The following DGKI variants were observed in gnomAD, a reference collection of about 807,000 sequenced individuals.
DGKI encodes diacylglycerol kinase iota.
A neutral mutation model predicts 147.5 loss-of-function variants in DGKI; 55 were observed. That is an observed-to-expected ratio of 0.37 (90% CI 0.30 to 0.47). The LOEUF is 0.47. Ranked by LOEUF, DGKI falls within the 20% of genes least tolerant of loss-of-function variation. The pLI is 1.00. For missense variants in DGKI, 1,007 were observed against 1,323.8 expected (o/e 0.76, Z 3.71); for synonymous variants, 469 against 477.1 (o/e 0.98, Z 0.22).
chr7:137,463,445 A>C (rs1563033644), intron 27 of DGKI, 44 bp downstream of exon 27: 1 of 1,606,604 alleles, frequency 6.2e-7, no homozygotes, highest in Non-Finnish European at 8.5e-7. Context: ...CTCTCCCAGC[A>C]ATCACAGTGG....
At chr7:137,725,222 A>C (rs1044203727) in intron 1 of DGKI, among the ~76,000 whole-genome samples, 1 of 152,108 alleles carries the variant, frequency 6.6e-6, no homozygotes, top group Non-Finnish European at 1.5e-5. Flanking sequence ...CTGCATTTTG[A>C]GTATCAAAAT....
intron 20 of DGKI, among the ~76,000 whole-genome samples, chr7:137,543,846 C>T (rs576396979): frequency 3.3e-5 from 5 of 152,296 alleles, no homozygotes; most frequent in African/African-American, 1.2e-4. Context: ...ACTGCCATAA[C>T]ATAAAAAGAC....
intron 1 of DGKI, among the ~76,000 whole-genome samples, chr7:137,823,572 CCTT>C (rs1362915773): frequency 2.0e-5 from 3 of 152,168 alleles, no homozygotes; most frequent in Non-Finnish European, 2.9e-5. Flanking sequence ...TTGTTCTTCT[CCTT>C]CTTAAAATTG....
At position 137,692,914 on chromosome 7, in the gene DGKI, T is replaced by G. The variant is rs1429397953; in HGVS notation, c.402-2912A>C. ...GTGGCTGCCAGTTTGTAACTCTAAT[T>G]GCCCTCACAAAAGGACATACAAATA... is the stretch of plus-strand genomic sequence containing the variant. On this transcript the variant is annotated intron_variant, in intron 1 of 32. Coordinates refer to ENST00000614521, the MANE Select transcript of DGKI (RefSeq NM_001321708.2). Among the ~76,000 whole-genome samples, 3 of 152,178 alleles carry G rather than the reference T, an allele frequency of 2.0e-5. No individual in the cohort carries two copies. The East Asian group carries it at 5.8e-4, about 29-fold the overall frequency.
chr7:137,493,815 G>C, intron 21 of DGKI: 1 of 701,604 alleles, frequency 1.4e-6, no homozygotes, highest in Non-Finnish European at 2.6e-6. Context: ...CCCAGCAATG[G>C]TTCTTAACCA....
chr7:137,617,453 G>A (rs1820574319), intron 8 of DGKI, among the ~76,000 whole-genome samples: 1 of 152,048 alleles, frequency 6.6e-6, no homozygotes, highest in South Asian at 2.1e-4. Flanking sequence ...AAAATTTTAA[G>A]GGATTATTAA....
chr7:137,549,642 A>G (rs1188571256), intron 20 of DGKI, among the ~76,000 whole-genome samples: 1 of 152,228 alleles, frequency 6.6e-6, no homozygotes, highest in Admixed American at 6.5e-5. Flanking sequence ...ATTGTTTCAA[A>G]TGGTGCACTT....
chr7:137,591,194 T>C (rs1202048891), intron 12 of DGKI, among the ~76,000 whole-genome samples: 1 of 152,222 alleles, frequency 6.6e-6, no homozygotes, highest in Non-Finnish European at 1.5e-5. Context: ...AGTGTGTGAA[T>C]GTAAAGGTGC....
intron 1 of DGKI, among the ~76,000 whole-genome samples, chr7:137,752,319 T>A (rs1287026743): frequency 6.6e-6 from 1 of 152,066 alleles, no homozygotes; most frequent in African/African-American, 2.4e-5. Flanking sequence ...TAGGGGGTCC[T>A]GGTTCACAAA....
chr7:137,804,575 G>C lies in DGKI; in HGVS notation c.401+41887C>G, dbSNP rs566782774. On this transcript the variant is annotated intron_variant, in intron 1 of 32. Coordinates refer to ENST00000614521, the MANE Select transcript of DGKI (RefSeq NM_001321708.2). ...TGAAGTCTTTGAAGAAAAATAAAAA[G>C]ATGTAAACGTTTTTGGTGTTTGTGT... Among the ~76,000 whole-genome samples the C allele has an allele frequency of 4.3e-4, 65 of 152,234 alleles. No individual in the cohort carries two copies. In the South Asian group the frequency reaches 0.013, roughly 32 times the overall value.
intron 8 of DGKI, among the ~76,000 whole-genome samples, chr7:137,613,987 TATC>T (rs1293188306): frequency 6.6e-6 from 1 of 152,196 alleles, no homozygotes; most frequent in Non-Finnish European, 1.5e-5. Flanking sequence ...CGGAGATGCT[TATC>T]ATTTTAAATG....
intron 28 of DGKI, among the ~76,000 whole-genome samples, chr7:137,414,685 G>A (rs1253963732): frequency 1.3e-5 from 2 of 152,068 alleles, no homozygotes; most frequent in East Asian, 3.9e-4. Context: ...CCTGTGTCCA[G>A]TGCCCCCATT....
chr7:137,626,111 C>T (rs903840177), intron 6 of DGKI, among the ~76,000 whole-genome samples: 14 of 152,098 alleles, frequency 9.2e-5, no homozygotes, highest in African/African-American at 3.4e-4. Flanking sequence ...GAGCCCTTCC[C>T]TTTGTTGATT....
At chr7:137,673,093 T>C (rs1305754060) in intron 3 of DGKI, among the ~76,000 whole-genome samples, 1 of 139,928 alleles carries the variant, frequency 7.1e-6, no homozygotes, top group African/African-American at 3.4e-5. Flanking sequence ...GTGTCTTCTC[T>C]TATAACGGCA....
At chr7:137,762,699 C>A (rs1010339783) in intron 1 of DGKI, among the ~76,000 whole-genome samples, 22 of 152,180 alleles carry the variant, frequency 1.4e-4, no homozygotes, top group Admixed American at 1.2e-3. Context: ...TTCAATAGCT[C>A]TCCCCAAGCC....
intron 1 of DGKI, among the ~76,000 whole-genome samples, chr7:137,753,004 TAC>T (rs1795555489): frequency 6.6e-6 from 1 of 151,520 alleles, no homozygotes; most frequent in African/African-American, 2.4e-5. Context: ...CTCACAAACA[TAC>T]ACGTGTTACT....
intron 21 of DGKI, among the ~76,000 whole-genome samples, chr7:137,500,707 G>C (rs1585175198): frequency 6.6e-6 from 1 of 152,132 alleles, no homozygotes; most frequent in South Asian, 2.1e-4. Context: ...TACAATGAAA[G>C]GTGCCTAGAG....
In DGKI at chr7:137,609,587, C is replaced by T. The variant is rs761583087; in HGVS notation, c.1016G>A (p.Arg339Gln). 3.1e-6 allele frequency: 5 copies of T among 1,613,268 alleles called. No homozygotes were observed. The highest frequency in any genetic ancestry group is 3.4e-6 in the Non-Finnish European group (4 of 1,179,542). The change falls in exon 9 of 33, where the codon CGG becomes CAG. Residue 339 changes from arginine to glutamine, a missense_variant. By Grantham distance (43) the Arg-to-Gln change is conservative. Transcript: ENST00000614521. Reference protein sequence around the residue: ...KPQNSLKASNRKKKRTSFKRK... With the variant: ...KPQNSLKASNQKKKRTSFKRK... ...TTTAAAGCTTGTTCTCTTCTTCTTCCGATTTGAAGCCTTCAGGGAGTTCTG... is the reference window on the plus strand; with the variant it reads ...TTTAAAGCTTGTTCTCTTCTTCTTCTGATTTGAAGCCTTCAGGGAGTTCTG...
chr7:137,676,424 G>C (rs1453715675), intron 3 of DGKI, among the ~76,000 whole-genome samples: 2 of 151,888 alleles, frequency 1.3e-5, no homozygotes, highest in Non-Finnish European at 2.9e-5. Context: ...CATTAGGTCA[G>C]TTGCTGAGCC....
Sources: allele counts gnomAD v4.1 joint callset (sites outside exome capture counted in the v4.1 genomes callset), GRCh38; gene constraint gnomAD v4.1.1; transcripts MANE v1.5; gene names NCBI Gene and HGNC (gene_info 2026-07-23, HGNC 2026-07-21).